Variants in LINGO2 observed in about 807,000 individuals in gnomAD.
LINGO2 encodes the protein leucine rich repeat and Ig domain containing 2.
Under a neutral mutation model 30.6 loss-of-function variants are expected in LINGO2, and 14 were observed. That is an observed-to-expected ratio of 0.46 (90% CI 0.30 to 0.72). LINGO2 has a LOEUF of 0.72. Ranked by LOEUF, LINGO2 falls within the 30% of genes least tolerant of loss-of-function variation. The pLI is 0.07. For synonymous variants in LINGO2, 317 were observed against 288.5 expected, an observed-to-expected ratio of 1.10 and a Z score of -1.00; for missense variants, 729 against 751.7, an observed-to-expected ratio of 0.97 and a Z score of 0.35.
chr9:28,482,692 A>T (rs957100222), intron 1 of LINGO2, among the ~76,000 whole-genome samples: 1 of 152,022 alleles, frequency 6.6e-6, no homozygotes, highest in Admixed American at 6.6e-5. Context: ...GACATGAAGC[A>T]TATCTACAAC....
the LINGO2 span, among the ~76,000 whole-genome samples, chr9:28,678,335 T>C: frequency 6.6e-6 from 1 of 151,986 alleles, no homozygotes; most frequent in Non-Finnish European, 1.5e-5. Context: ...CAATCCTCTT[T>C]CCATTCCTTG....
chr9:27,950,158 C>T, exon 6 of LINGO2: 2 of 1,614,040 alleles, frequency 1.2e-6, no homozygotes, highest in Non-Finnish European at 1.7e-6. Context: ...CCACTGAATG[C>T]CCTGTGTGAT....
At chr9:28,826,491 C>A in the LINGO2 span, among the ~76,000 whole-genome samples, 3 of 151,948 alleles carry the variant, frequency 2.0e-5, no homozygotes, top group Admixed American at 2.0e-4. Context: ...AAGAGATATG[C>A]AAAAAGAGCA....
At chr9:28,513,232 A>T (rs777778472) in intron 1 of LINGO2, among the ~76,000 whole-genome samples, 10 of 152,202 alleles carry the variant, frequency 6.6e-5, no homozygotes, top group African/African-American at 9.6e-5. Context: ...CAATCAATCA[A>T]TCAATCAGTC....
intron 4 of LINGO2, among the ~76,000 whole-genome samples, chr9:28,154,025 C>G (rs1296929349): frequency 6.6e-6 from 1 of 152,084 alleles, no homozygotes; most frequent in Non-Finnish European, 1.5e-5. Context: ...CTTAGAAAGA[C>G]TCATCATTTT....
At chr9:28,856,896 G>T in the LINGO2 span, among the ~76,000 whole-genome samples, 1 of 151,990 alleles carries the variant, frequency 6.6e-6, no homozygotes, top group African/African-American at 2.4e-5. Context: ...ATGGATTTAA[G>T]ATATGTAGTA....
At position 28,213,277 on chromosome 9, in the gene LINGO2, G is replaced by A. The variant is rs149347433; in HGVS notation, c.-87+81931C>T. On this transcript the variant is annotated intron_variant, in intron 4 of 5. Coordinates refer to ENST00000379992, the Ensembl canonical transcript of LINGO2. Reference sequence around the variant, plus strand: ...TTCAATAAAGGAGGATGGAAGTAGAGTTATTTTAGGAACCCCTGTGTTTTT... The same window carrying A: ...TTCAATAAAGGAGGATGGAAGTAGAATTATTTTAGGAACCCCTGTGTTTTT... Among the ~76,000 whole-genome samples, 341 of 151,478 alleles carry A rather than the reference G, an allele frequency of 2.3e-3. 6 individuals are homozygous for A. Among genetic ancestry groups the A allele is most frequent in the African/African-American group, 7.6e-3 (317 of 41,452 alleles).
downstream of LINGO2, chr9:27,944,108 T>G (rs1823273595): frequency 6.6e-6 from 1 of 152,214 alleles, no homozygotes; most frequent in Non-Finnish European, 1.5e-5. Flanking sequence ...TCCTAGACCA[T>G]TTGTTAAAAA....
the LINGO2 span, among the ~76,000 whole-genome samples, chr9:29,138,803 A>G: frequency 1.3e-4 from 20 of 152,132 alleles, no homozygotes; most frequent in African/African-American, 4.8e-4. Context: ...ATTCTCTTTG[A>G]TATTGCTTAG....
At chr9:28,614,333 G>A (rs566819488) in intron 1 of LINGO2, among the ~76,000 whole-genome samples, 1 of 152,106 alleles carries the variant, frequency 6.6e-6, no homozygotes, top group Admixed American at 6.5e-5. Flanking sequence ...TAAATCAATA[G>A]GCTTTTCATT....
chr9:29,207,687 TAGAGAA>T, the LINGO2 span, among the ~76,000 whole-genome samples: 2 of 152,080 alleles, frequency 1.3e-5, no homozygotes. Flanking sequence ...CTCATTTTGT[TAGAGAA>T]AATACACTTA....
the LINGO2 span, among the ~76,000 whole-genome samples, chr9:29,117,887 A>G: frequency 6.6e-6 from 1 of 152,220 alleles, no homozygotes; most frequent in Non-Finnish European, 1.5e-5. Context: ...AAAAGACAGC[A>G]CTAATATTTA....
At chr9:29,085,281 T>TAAAAAAAAAA in the LINGO2 span, among the ~76,000 whole-genome samples, 38 of 77,028 alleles carry the variant, frequency 4.9e-4, no homozygotes, top group Non-Finnish European at 7.0e-4. Flanking sequence ...CTATGGTAAG[T>TAAAAAAAAAA]AAAAAAAAAA....
intron 2 of LINGO2, among the ~76,000 whole-genome samples, chr9:28,420,051 C>A (rs1001555632): frequency 1.3e-5 from 2 of 152,028 alleles, no homozygotes; most frequent in Admixed American, 1.3e-4. Flanking sequence ...AAGGCCATTG[C>A]CTCAACTGAG....
the LINGO2 span, among the ~76,000 whole-genome samples, chr9:28,972,869 G>A: frequency 6.6e-6 from 1 of 152,020 alleles, no homozygotes; most frequent in African/African-American, 2.4e-5. Context: ...GAACAGCATG[G>A]GAAAAACCTG....
At chr9:28,097,366 C>CA (rs1563972732) in intron 4 of LINGO2, among the ~76,000 whole-genome samples, 3 of 150,502 alleles carry the variant, frequency 2.0e-5, no homozygotes, top group Non-Finnish European at 4.4e-5. Context: ...AATCATGCTG[C>CA]TATAAAGACA....
At chr9:28,576,333 A>C (rs2135623395) in intron 1 of LINGO2, among the ~76,000 whole-genome samples, 1 of 152,370 alleles carries the variant, frequency 6.6e-6, no homozygotes, top group Non-Finnish European at 1.5e-5. Flanking sequence ...AGTTTCTGCT[A>C]AATGCATTAT....
At chr9:29,131,788 G>A in the LINGO2 span, among the ~76,000 whole-genome samples, 59 of 151,796 alleles carry the variant, frequency 3.9e-4, no homozygotes, top group African/African-American at 1.4e-3. Context: ...AACCTGTATG[G>A]TTTTCATGGA....
At chr9:28,071,294 T>C (rs1001470348) in intron 4 of LINGO2, among the ~76,000 whole-genome samples, 1 of 152,148 alleles carries the variant, frequency 6.6e-6, no homozygotes, top group African/African-American at 2.4e-5. Flanking sequence ...TTTGCAGCCA[T>C]AGTCACTACA....
Sources: gnomAD v4.1 joint callset for allele counts (sites outside exome capture counted in the v4.1 genomes callset) on GRCh38, gnomAD v4.1.1 for gene constraint, MANE v1.5 for transcripts, NCBI Gene and HGNC (gene_info 2026-07-23, HGNC 2026-07-21) for gene names.